The following EYS variants were observed in gnomAD, a reference collection of about 807,000 sequenced individuals.
EYS encodes the protein protein eyes shut homolog.
In EYS, 250 loss-of-function variants were observed where a neutral mutation model predicts 282.1. That is an observed-to-expected ratio of 0.89 (90% confidence interval 0.80 to 0.98). The LOEUF is 0.98. EYS is among the 50% of genes least tolerant of loss of function. The pLI is 0.00. For missense variants in EYS, 4,016 were observed against 3,709.0 expected, an observed-to-expected ratio of 1.08 and a Z score of -2.15; for synonymous variants, 1,355 against 1,282.9, an observed-to-expected ratio of 1.06 and a Z score of -1.20.
chr6:64,424,578 C>A (rs6933509), intron 28 of EYS, among the ~76,000 whole-genome samples: 2 of 152,182 alleles, frequency 1.3e-5, no homozygotes, highest in Non-Finnish European at 2.9e-5. Flanking sequence ...TTTAAGACAA[C>A]AGATGTGGCT....
chr6:65,546,654 T>G (rs1350295722), intron 2 of EYS, among the ~76,000 whole-genome samples: 1 of 151,966 alleles, frequency 6.6e-6, no homozygotes, highest in East Asian at 1.9e-4. Context: ...TCACTGCAAC[T>G]TCTGCCTCCT....
intron 19 of EYS, among the ~76,000 whole-genome samples, chr6:64,880,999 T>C (rs769447921): frequency 6.6e-6 from 1 of 151,532 alleles, no homozygotes; most frequent in Non-Finnish European, 1.5e-5. Flanking sequence ...CCTCCAACCC[T>C]TCTAGGAAGT....
intron 14 of EYS, among the ~76,000 whole-genome samples, chr6:64,993,911 T>TTA (rs1014765385): frequency 6.6e-4 from 100 of 150,638 alleles, no homozygotes; most frequent in African/African-American, 2.2e-3. Flanking sequence ...TGTGTGATAT[T>TTA]TATATATATA....
intron 31 of EYS, among the ~76,000 whole-genome samples, chr6:64,100,382 C>A (rs1008050449): frequency 6.1e-4 from 93 of 152,032 alleles, no homozygotes; most frequent in African/African-American, 2.1e-3. Context: ...TTTTGCCCTG[C>A]TTGTTTTTCA....
chr6:64,798,563 C>A (rs925651080), intron 22 of EYS, among the ~76,000 whole-genome samples: 9 of 148,008 alleles, frequency 6.1e-5, no homozygotes, highest in Admixed American at 4.7e-4. Flanking sequence ...CCTAGGCCTA[C>A]AGACCTGGTT....
At chr6:64,671,907 A>T (rs1241836571) in intron 22 of EYS, among the ~76,000 whole-genome samples, 1 of 152,132 alleles carries the variant, frequency 6.6e-6, no homozygotes, top group Non-Finnish European at 1.5e-5. Context: ...AAAAACAATA[A>T]TTTATGATCA....
intron 12 of EYS, among the ~76,000 whole-genome samples, chr6:65,085,341 C>T (rs1315503744): frequency 6.6e-6 from 1 of 152,070 alleles, no homozygotes; most frequent in Non-Finnish European, 1.5e-5. Context: ...AGTGTTCTTT[C>T]TCACTTAATT....
At chr6:64,514,798 T>A (rs148186791) in intron 26 of EYS, among the ~76,000 whole-genome samples, 145 of 151,874 alleles carry the variant, frequency 9.5e-4, no homozygotes, top group African/African-American at 3.3e-3. Flanking sequence ...AATTTGAAAT[T>A]CAAACTCCGG....
intron 11 of EYS, among the ~76,000 whole-genome samples, chr6:65,306,956 C>A (rs1206461667): frequency 7.3e-6 from 1 of 137,152 alleles, no homozygotes; most frequent in Non-Finnish European, 1.6e-5. Flanking sequence ...CCTTTTTAAG[C>A]GTATTTTTAA....
intron 22 of EYS, among the ~76,000 whole-genome samples, chr6:64,643,135 C>T (rs1203166599): frequency 6.9e-6 from 1 of 145,436 alleles, no homozygotes. Flanking sequence ...AAAAAAACAA[C>T]ACTGAAGAAA....
At chr6:64,584,672 A>G (rs1200212669) in intron 26 of EYS, among the ~76,000 whole-genome samples, 1 of 152,018 alleles carries the variant, frequency 6.6e-6, no homozygotes, top group Non-Finnish European at 1.5e-5. Flanking sequence ...ATTTTACTGC[A>G]TATAGTTTTT....
At chr6:65,683,647 T>C (rs1031991177) in intron 1 of EYS, among the ~76,000 whole-genome samples, 1 of 152,004 alleles carries the variant, frequency 6.6e-6, no homozygotes, top group African/African-American at 2.4e-5. Context: ...CCATGTTTTA[T>C]TAAGATAAGT....
chr6:63,843,457 C>A (rs1372119895), intron 36 of EYS, among the ~76,000 whole-genome samples: 1 of 152,108 alleles, frequency 6.6e-6, no homozygotes, highest in Admixed American at 6.6e-5. Context: ...GATTTTACAT[C>A]CTGAGACTTT....
At chr6:65,366,994 G>A (rs1453016049) in intron 8 of EYS, among the ~76,000 whole-genome samples, 1 of 151,490 alleles carries the variant, frequency 6.6e-6, no homozygotes, top group African/African-American at 2.4e-5. Context: ...CTGATAATCA[G>A]GATAATCTCT....
At chr6:64,156,814 A>G (rs561763380) in intron 31 of EYS, among the ~76,000 whole-genome samples, 2 of 152,312 alleles carry the variant, frequency 1.3e-5, no homozygotes, top group East Asian at 1.9e-4. Context: ...GAAATTTCTA[A>G]GCAGCAAAGC....
intron 19 of EYS, among the ~76,000 whole-genome samples, chr6:64,846,564 A>AT (rs1445489643): frequency 6.6e-6 from 1 of 152,142 alleles, no homozygotes; most frequent in East Asian, 1.9e-4. Flanking sequence ...ATCATAGTTG[A>AT]TATAGAATAG....
chr6:64,002,694 T>C (rs1768153012), intron 33 of EYS, among the ~76,000 whole-genome samples: 1 of 152,086 alleles, frequency 6.6e-6, no homozygotes, highest in Non-Finnish European at 1.5e-5. Flanking sequence ...TCAGTGGGAA[T>C]GAAGATGATT....
At chr6:64,125,177 G>GCT (rs554215677) in intron 31 of EYS, among the ~76,000 whole-genome samples, 12 of 134,354 alleles carry the variant, frequency 8.9e-5, no homozygotes, top group Middle Eastern at 3.9e-3. Context: ...TCTCTCTCTC[G>GCT]CTCTCTCTCT....
chr6:65,706,749 A>G (rs1769892622), intron 1 of EYS, among the ~76,000 whole-genome samples: 1 of 152,164 alleles, frequency 6.6e-6, no homozygotes, highest in South Asian at 2.1e-4. Flanking sequence ...TTTCATTTGC[A>G]ATTGACATTT....
Sources: allele counts gnomAD v4.1 joint callset (sites outside exome capture counted in the v4.1 genomes callset), GRCh38; gene constraint gnomAD v4.1.1; transcripts MANE v1.5; gene names NCBI Gene and HGNC (gene_info 2026-07-23, HGNC 2026-07-21).